The following MBD5 variants were observed in gnomAD, a reference collection of about 807,000 sequenced individuals.
The protein encoded by MBD5 is methyl-CpG-binding domain protein 5.
A neutral mutation model predicts 117.3 loss-of-function variants in MBD5; 13 were observed. The ratio of observed to expected loss-of-function variants is 0.11; its 90% CI spans 0.07 to 0.18. The LOEUF (loss-of-function observed/expected upper bound fraction) is 0.18. MBD5 is among the 10% of genes least tolerant of loss of function. MBD5 has a pLI of 1.00. For synonymous variants in MBD5, 727 were observed against 766.4 expected (o/e 0.95, Z 0.85); for missense variants, 1,879 against 2,093.8 (o/e 0.90, Z 2.00).
intron 4 of MBD5, among the ~76,000 whole-genome samples, chr2:148,348,574 T>C (rs1207833334): frequency 6.6e-6 from 1 of 152,016 alleles, no homozygotes; most frequent in Non-Finnish European, 1.5e-5. Flanking sequence ...AATTAAGAAA[T>C]TTTTTGAGAG....
chr2:148,137,187 C>G (rs1456558607), intron 1 of MBD5, among the ~76,000 whole-genome samples: 1 of 152,114 alleles, frequency 6.6e-6, no homozygotes, highest in African/African-American at 2.4e-5. Flanking sequence ...GTCTGTTCCC[C>G]CTGATTTTCT....
At chr2:148,408,942 G>A (rs368890127) in intron 4 of MBD5, among the ~76,000 whole-genome samples, 1 of 152,158 alleles carries the variant, frequency 6.6e-6, no homozygotes, top group East Asian at 1.9e-4. Context: ...GGATATGGGA[G>A]CATGGACATA....
At chr2:148,418,695 G>A (rs559601935) in intron 4 of MBD5, among the ~76,000 whole-genome samples, 2 of 152,102 alleles carry the variant, frequency 1.3e-5, no homozygotes, top group East Asian at 3.9e-4. Context: ...TCTACAAGGA[G>A]AACTATAAAA....
chr2:148,253,827 A>G (rs1700521601), intron 3 of MBD5, among the ~76,000 whole-genome samples: 1 of 152,212 alleles, frequency 6.6e-6, no homozygotes, highest in Non-Finnish European at 1.5e-5. Flanking sequence ...CTCCAAGCCA[A>G]GCACGAGCTC....
At chr2:148,337,586 A>G (rs1026722026) in intron 3 of MBD5, among the ~76,000 whole-genome samples, 2 of 152,154 alleles carry the variant, frequency 1.3e-5, no homozygotes, top group East Asian at 3.9e-4. Context: ...CCTCTGGGGA[A>G]TGAAGAGACA....
chr2:148,291,882 G>T (rs1242787820), intron 3 of MBD5, among the ~76,000 whole-genome samples: 1 of 152,120 alleles, frequency 6.6e-6, no homozygotes, highest in Non-Finnish European at 1.5e-5. Flanking sequence ...TAGACCAATG[G>T]AACAGAATGA....
intron 8 of MBD5, among the ~76,000 whole-genome samples, chr2:148,478,539 CAG>C (rs1176156838): frequency 6.6e-6 from 1 of 152,152 alleles, no homozygotes; most frequent in African/African-American, 2.4e-5. Flanking sequence ...GCCTGGGCAA[CAG>C]AGTGAGACTC....
intron 5 of MBD5, among the ~76,000 whole-genome samples, chr2:148,462,151 C>G (rs1263038021): frequency 1.3e-5 from 2 of 152,158 alleles, no homozygotes; most frequent in Non-Finnish European, 2.9e-5. Flanking sequence ...TGCCAACTTT[C>G]TGGTTCGAAC....
At chr2:148,272,971 G>A (rs974263639) in intron 3 of MBD5, among the ~76,000 whole-genome samples, 9 of 152,158 alleles carry the variant, frequency 5.9e-5, no homozygotes, top group Non-Finnish European at 1.5e-5. Context: ...TAAAAGTCAT[G>A]TATTTCTAGA....
In MBD5 at chr2:148,359,266, C is replaced by CAA. The variant is rs3076505; in HGVS notation, c.-557+16947_-557+16948dup. On this transcript the variant is annotated intron_variant, in intron 4 of 13. Coordinates refer to ENST00000642680, the MANE Select transcript of MBD5 (RefSeq NM_001378120.1). Reference sequence around the variant, plus strand: ...TTGATGACAGAGTAAGGCTCTGTCTCAAAAAAAAAAAAAAAAAATTGTAGT... The same window carrying CAA: ...TTGATGACAGAGTAAGGCTCTGTCTCAAAAAAAAAAAAAAAAAAAATTGTAGT... Among the ~76,000 whole-genome samples, 13 of 123,288 alleles carry CAA rather than the reference C, an allele frequency of 1.1e-4. 1 individual carries two copies. Among genetic ancestry groups the CAA allele is most frequent in the African/African-American group, 2.9e-4 (10 of 34,122 alleles). 80.9% of individuals were successfully genotyped at this position (123,288 alleles called of 152,430 possible).
At chr2:148,179,624 A>G (rs536612265) in intron 2 of MBD5, among the ~76,000 whole-genome samples, 18 of 152,240 alleles carry the variant, frequency 1.2e-4, no homozygotes, top group South Asian at 8.3e-4. Context: ...TACCTAGCAT[A>G]TTCTTTCACG....
At chr2:148,324,903 G>C (rs1702400623) in intron 3 of MBD5, among the ~76,000 whole-genome samples, 1 of 152,120 alleles carries the variant, frequency 6.6e-6, no homozygotes, top group Admixed American at 6.5e-5. Flanking sequence ...GGGAATCCCT[G>C]TCTTGTGCCT....
chr2:148,155,954 A>G (rs1454761049), intron 1 of MBD5, among the ~76,000 whole-genome samples: 1 of 152,228 alleles, frequency 6.6e-6, no homozygotes, highest in Non-Finnish European at 1.5e-5. Flanking sequence ...TTATACCTTC[A>G]GAGAGAAAAG....
intron 4 of MBD5, among the ~76,000 whole-genome samples, chr2:148,438,508 C>T (rs757277128): frequency 2.6e-5 from 4 of 152,162 alleles, no homozygotes; most frequent in Non-Finnish European, 5.9e-5. Flanking sequence ...CAGATCTCTT[C>T]CACAGTGTTG....
At chr2:148,236,028 G>A (rs1700084826) in intron 3 of MBD5, among the ~76,000 whole-genome samples, 2 of 151,958 alleles carry the variant, frequency 1.3e-5, no homozygotes, top group Admixed American at 1.3e-4. Context: ...TGAACTCCTG[G>A]GCTCAAGCGA....
At chr2:148,235,959 A>T (rs999684530) in intron 3 of MBD5, among the ~76,000 whole-genome samples, 5 of 151,808 alleles carry the variant, frequency 3.3e-5, no homozygotes, top group Non-Finnish European at 7.4e-5. Context: ...CTATCACACC[A>T]GGCTAATTTT....
intron 1 of MBD5, among the ~76,000 whole-genome samples, chr2:148,048,422 G>A (rs1007668604): frequency 6.6e-6 from 1 of 152,132 alleles, no homozygotes; most frequent in African/African-American, 2.4e-5. Flanking sequence ...AGTTTAGTGA[G>A]GATATGCACA....
At chr2:148,070,573 A>G (rs1462496594) in intron 1 of MBD5, among the ~76,000 whole-genome samples, 3 of 152,158 alleles carry the variant, frequency 2.0e-5, no homozygotes, top group African/African-American at 7.2e-5. Flanking sequence ...TCTGAGGGCC[A>G]TATCTCCAGT....
intron 8 of MBD5, among the ~76,000 whole-genome samples, chr2:148,473,514 C>A (rs1260379238): frequency 6.6e-6 from 1 of 152,110 alleles, no homozygotes; most frequent in East Asian, 1.9e-4. Context: ...TTTTTCCACT[C>A]TTCTAAGTAA....
Sources: allele counts gnomAD v4.1 joint callset (sites outside exome capture counted in the v4.1 genomes callset), GRCh38; gene constraint gnomAD v4.1.1; transcripts MANE v1.5; gene names NCBI Gene and HGNC (gene_info 2026-07-23, HGNC 2026-07-21).